Variants in SCNN1B observed in about 807,000 individuals in gnomAD.
SCNN1B encodes the protein sodium channel epithelial 1 subunit beta, also known as epithelial sodium channel subunit beta.
Under a neutral mutation model 65.3 loss-of-function variants are expected in SCNN1B, and 46 were observed. The observed-to-expected ratio is 0.70, with a 90% CI of 0.56 to 0.90. The LOEUF is 0.90. SCNN1B is among the 40% of genes least tolerant of loss of function. SCNN1B has a pLI of 0.00. For synonymous variants in SCNN1B, 349 were observed against 330.6 expected, an observed-to-expected ratio of 1.06 and a Z score of -0.60; for missense variants, 751 against 830.5, an observed-to-expected ratio of 0.90 and a Z score of 1.18.
intron 1 of SCNN1B, among the ~76,000 whole-genome samples, chr16:23,305,138 A>G (rs974326062): frequency 6.6e-6 from 1 of 152,122 alleles, no homozygotes; most frequent in Non-Finnish European, 1.5e-5. Context: ...CTTACTGTGG[A>G]GTCCAGAAGT....
intron 4 of SCNN1B, among the ~76,000 whole-genome samples, chr16:23,361,629 A>G (rs1417280086): frequency 6.6e-6 from 1 of 152,164 alleles, no homozygotes; most frequent in Non-Finnish European, 1.5e-5. Flanking sequence ...AAATTCTTCT[A>G]GCTTTGGCCA....
At chr16:23,310,129 C>A (rs542906402) in intron 1 of SCNN1B, among the ~76,000 whole-genome samples, 2 of 152,144 alleles carry the variant, frequency 1.3e-5, no homozygotes, top group Non-Finnish European at 2.9e-5. Flanking sequence ...GTAATTCCAG[C>A]ACTCAGGAAG....
chr16:23,365,587 G>GAAATAA (rs373917735), intron 4 of SCNN1B, among the ~76,000 whole-genome samples: 9 of 86,994 alleles, frequency 1.0e-4, no homozygotes, highest in African/African-American at 5.6e-4. Context: ...AAGAAAGAAA[G>GAAATAA]AGAAAGAAAG....
At chr16:23,319,050 T>G (rs554912221) in intron 1 of SCNN1B, among the ~76,000 whole-genome samples, 37 of 151,520 alleles carry the variant, frequency 2.4e-4, no homozygotes, top group Admixed American at 1.1e-3. Context: ...GTTTTGTTTT[T>G]TTTTTTTTTG....
chr16:23,326,177 CAT>C (rs1961693004), intron 1 of SCNN1B, among the ~76,000 whole-genome samples: 1 of 149,892 alleles, frequency 6.7e-6, no homozygotes, highest in Admixed American at 6.6e-5. Flanking sequence ...TAGATTTTTT[CAT>C]ATACTTAGAA....
rs548342028 is a variant in SCNN1B at position 23,318,465 on chromosome 16, C to T, written c.-9+16028C>T. On this transcript the variant is annotated intron_variant, in intron 1 of 12. Coordinates refer to ENST00000343070, the MANE Select transcript of SCNN1B (RefSeq NM_000336.3). ...CTCTACTAAAACTACAAAAATTAGC[C>T]GGACGTGGTGGCGGACGCCTGTAAT... is the stretch of plus-strand genomic sequence containing the variant. Among the ~76,000 whole-genome samples, 7 of 152,166 alleles carry T rather than the reference C, an allele frequency of 4.6e-5. No homozygotes were observed. In the South Asian group the frequency reaches 8.3e-4, roughly 18 times the overall value.
chr16:23,374,268 GA>G (rs1223701346), intron 7 of SCNN1B, among the ~76,000 whole-genome samples: 6,545 of 60,298 alleles, frequency 0.11, 307 homozygotes, highest in African/African-American at 0.18. Context: ...CCTGTCTCAG[GA>G]AAAAAAAAAA....
At chr16:23,299,238 T>G (rs1961040289), upstream of SCNN1B, among the ~76,000 whole-genome samples, 1 of 151,796 alleles carries the variant, frequency 6.6e-6, no homozygotes, top group African/African-American at 2.4e-5. Context: ...TTTTTGTATT[T>G]TAGTAGAGAT....
At chr16:23,326,941 T>C (rs1376280527) in intron 1 of SCNN1B, among the ~76,000 whole-genome samples, 2 of 151,540 alleles carry the variant, frequency 1.3e-5, no homozygotes, top group African/African-American at 4.8e-5. Flanking sequence ...ATTATTATGT[T>C]CTTTTATTGC....
At chr16:23,292,798 C>A (rs1960944738) in intron 2 of SCNN1B, among the ~76,000 whole-genome samples, 1 of 151,282 alleles carries the variant, frequency 6.6e-6, no homozygotes, top group Non-Finnish European at 1.5e-5. Flanking sequence ...GCCACTGTGC[C>A]CGGCCAGCAA....
rs1202293062 is a variant in SCNN1B at position 23,351,576 on chromosome 16, C to G, written c.312-1225C>G. 2.0e-5 allele frequency among the ~76,000 whole-genome samples: 3 copies of G among 152,320 alleles called. No individual in the cohort carries two copies. The East Asian group carries it at 5.8e-4, about 29-fold the overall frequency. On this transcript the variant is annotated intron_variant, in intron 2 of 12. Coordinates refer to ENST00000343070, the MANE Select transcript of SCNN1B (RefSeq NM_000336.3). ...CTCTGGCTGCTGTACACCTTTGTAC[C>G]AGGACCTTGGCCTCTGTCCAGCATT...
intron 1 of SCNN1B, among the ~76,000 whole-genome samples, chr16:23,343,509 AAAGG>A (rs1555487038): frequency 3.9e-5 from 3 of 76,476 alleles, no homozygotes; most frequent in Non-Finnish European, 5.7e-5. Flanking sequence ...GAAGGAAGGA[AAAGG>A]AAGGAAGGAA....
Position 23,371,883 on chromosome 16 carries a change from G to A in SCNN1B, c.1152G>A (p.Gln384=). The change falls in exon 7 of 13, where the codon CAG becomes CAA. Residue 384 remains glutamine, a splice_region_variant and synonymous_variant. Coordinates refer to ENST00000343070, the MANE Select transcript of SCNN1B (RefSeq NM_000336.3). ...YSDYNTTYSI[Q]ACLRSCFQDH... ...ACTACAACACGACCTACTCCATCCAGGTGGGAAGGTGGTGCACGCCTCATG... is the reference window on the plus strand; with the variant it reads ...ACTACAACACGACCTACTCCATCCAAGTGGGAAGGTGGTGCACGCCTCATG... The A allele has an allele frequency of 6.2e-7, 1 of 1,608,292 alleles. No individual in the cohort carries two copies. Among genetic ancestry groups the A allele is most frequent in the Non-Finnish European group, 8.5e-7 (1 of 1,174,628 alleles).
chr16:23,365,881 C>G (rs1962658902), intron 4 of SCNN1B, among the ~76,000 whole-genome samples: 2 of 152,246 alleles, frequency 1.3e-5, no homozygotes, highest in African/African-American at 4.8e-5. Flanking sequence ...GGGTCGGCCC[C>G]CATATCCCAT....
chr16:23,341,693 G>A (rs1251664543), intron 1 of SCNN1B, among the ~76,000 whole-genome samples: 1 of 152,144 alleles, frequency 6.6e-6, no homozygotes, highest in African/African-American at 2.4e-5. Context: ...CCATATAATG[G>A]ATCTAATGGC....
chr16:23,286,320 G>C (rs959897962), intron 2 of SCNN1B, among the ~76,000 whole-genome samples: 14 of 152,164 alleles, frequency 9.2e-5, no homozygotes, highest in Non-Finnish European at 8.8e-5. Context: ...AAGGTTCAAG[G>C]GAGGCTGGAT....
intron 1 of SCNN1B, among the ~76,000 whole-genome samples, chr16:23,324,340 A>C (rs115436752): frequency 0.012 from 1,874 of 152,060 alleles, 50 homozygotes; most frequent in African/African-American, 0.042. Context: ...GGCATGCACC[A>C]CTTCACCCAA....
intron 4 of SCNN1B, among the ~76,000 whole-genome samples, chr16:23,361,976 G>C (rs1448669767): frequency 2.0e-5 from 3 of 152,028 alleles, no homozygotes; most frequent in Non-Finnish European, 4.4e-5. Context: ...GCCCCCTAAA[G>C]TGCTGGGATT....
chr16:23,291,414 T>C (rs1188410483), intron 2 of SCNN1B, among the ~76,000 whole-genome samples: 1 of 152,054 alleles, frequency 6.6e-6, no homozygotes, highest in Non-Finnish European at 1.5e-5. Context: ...ATTTGATATG[T>C]ATCCTACTGT....
Sources: gnomAD v4.1 joint callset for allele counts (sites outside exome capture counted in the v4.1 genomes callset) on GRCh38, gnomAD v4.1.1 for gene constraint, MANE v1.5 for transcripts, NCBI Gene and HGNC (gene_info 2026-07-23, HGNC 2026-07-21) for gene names.